Variants in PARP14 observed in about 807,000 individuals in gnomAD.
PARP14 encodes protein mono-ADP-ribosyltransferase PARP14.
Under a neutral mutation model 154.2 loss-of-function variants are expected in PARP14, and 59 were observed. That is an observed-to-expected ratio of 0.38 (90% CI 0.31 to 0.48). The LOEUF is 0.48. PARP14 is among the 20% of genes least tolerant of loss of function. The probability of loss-of-function intolerance (pLI) is 0.98; values close to 1 mark genes in which losing one functional copy is unlikely to be tolerated. For missense variants in PARP14, 1,734 were observed against 2,131.6 expected, an observed-to-expected ratio of 0.81 and a Z score of 3.67; for synonymous variants, 720 against 780.5, an observed-to-expected ratio of 0.92 and a Z score of 1.29.
At chr3:122,685,627 A>C (rs1203456448) in intron 2 of PARP14, among the ~76,000 whole-genome samples, 2 of 150,960 alleles carry the variant, frequency 1.3e-5, no homozygotes, top group African/African-American at 4.9e-5. Context: ...CTTCTGCCTT[A>C]GCCTCCTGAG....
At chr3:122,722,873 C>G (rs944425286) in intron 15 of PARP14, among the ~76,000 whole-genome samples, 2 of 152,120 alleles carry the variant, frequency 1.3e-5, no homozygotes, top group Non-Finnish European at 2.9e-5. Flanking sequence ...TAAATTATGG[C>G]AATGCCATTA....
intron 1 of PARP14, among the ~76,000 whole-genome samples, chr3:122,682,871 G>A (rs149988348): frequency 0.024 from 3,679 of 152,142 alleles, 152 homozygotes; most frequent in African/African-American, 0.084. Context: ...GAGCAACATG[G>A]TGAAACCCTG....
chr3:122,718,390 A>G lies in PARP14; in HGVS notation c.4239A>G (p.Gln1413=), dbSNP rs1440886896. 1.2e-6 allele frequency: 2 copies of G among 1,612,684 alleles called. No individual in the cohort carries two copies. The highest frequency in any genetic ancestry group is 1.7e-5 in the Admixed American group (1 of 59,822). Residue 1413 remains glutamine, a synonymous_variant, in exon 14 of 17, where the codon CAA becomes CAG. Coordinates refer to ENST00000474629, the MANE Select transcript of PARP14 (RefSeq NM_017554.3). ...TGGGCTTTTCAAAGCAATCTCCCCAAAAAAAGAATCATTTGGTTTTGGAAA... is the reference window on the plus strand; with the variant it reads ...TGGGCTTTTCAAAGCAATCTCCCCAGAAAAAGAATCATTTGGTTTTGGAAA... ...SFLGFSKQSP[Q]KKNHLVLEKK...
At position 122,730,508 on chromosome 3, in the gene PARP14, C is replaced by T. The variant is rs1271818577; in HGVS notation, c.*1911C>T. ...GGCTAGGGGGCCACAGTTGCTGCTT[C>T]ATTAACATAGAGGTTTTGGATTTTT... On this transcript the variant is annotated 3_prime_UTR_variant, in exon 17 of 17. Coordinates refer to ENST00000474629, the MANE Select transcript of PARP14 (RefSeq NM_017554.3). 1 of 152,246 alleles carries T rather than the reference C, an allele frequency of 6.6e-6. No individual in the cohort carries two copies. Among genetic ancestry groups the T allele is most frequent in the Non-Finnish European group, 1.5e-5 (1 of 68,052 alleles). 9.4% of individuals were successfully genotyped at this position (152,246 alleles called of 1,614,324 possible).
intron 15 of PARP14, among the ~76,000 whole-genome samples, chr3:122,726,190 G>A (rs1285777627): frequency 1.3e-5 from 2 of 152,050 alleles, no homozygotes; most frequent in Non-Finnish European, 2.9e-5. Flanking sequence ...TTTATTTCCA[G>A]TGTCCTTCAA....
chr3:122,704,466 C>A (rs1939084998), intron 7 of PARP14, 61 bp from the exon 8 acceptor site: 1 of 1,074,390 alleles, frequency 9.3e-7, no homozygotes, highest in Non-Finnish European at 1.4e-6. Context: ...AATTCTTGTC[C>A]TTTTTGTTCT....
rs781357461 is a variant in PARP14, at chr3:122,692,305, G to C, written c.360G>C (p.Val120=). ...CTTTTGTCTTCCTAAAATCAGATGTGTCAGAAGAATTGGATACAAAACTCC... is the reference window on the plus strand; with the variant it reads ...CTTTTGTCTTCCTAAAATCAGATGTCTCAGAAGAATTGGATACAAAACTCC... ...KTKEDVKEPD[V]SEELDTKLPL... The change falls in exon 4 of 17, where the codon GTG becomes GTC. Residue 120 remains valine, a synonymous_variant. Coordinates refer to ENST00000474629, the MANE Select transcript of PARP14 (RefSeq NM_017554.3). 1 of 1,610,622 alleles carries C rather than the reference G, an allele frequency of 6.2e-7. No individual in the cohort carries two copies. The highest frequency in any genetic ancestry group is 8.5e-7 in the Non-Finnish European group (1 of 1,177,296).
chr3:122,721,092 G>C (rs745748108), intron 15 of PARP14: 3 of 335,706 alleles, frequency 8.9e-6, no homozygotes, highest in Non-Finnish European at 1.7e-5. Context: ...TTGCAGGCAC[G>C]CTGTTTCTCT....
intron 4 of PARP14, among the ~76,000 whole-genome samples, chr3:122,693,174 T>C (rs1398609734): frequency 2.0e-5 from 3 of 152,240 alleles, no homozygotes; most frequent in African/African-American, 4.8e-5. Flanking sequence ...TTACCTGATA[T>C]GTCCTTAGCA....
At chr3:122,725,384 G>A (rs551997153) in intron 15 of PARP14, among the ~76,000 whole-genome samples, 25 of 151,622 alleles carry the variant, frequency 1.6e-4, no homozygotes, top group Non-Finnish European at 3.2e-4. Context: ...GGCAGCGGCC[G>A]GGCAAAGGTG....
intron 8 of PARP14, among the ~76,000 whole-genome samples, chr3:122,707,060 G>T (rs1416262438): frequency 6.6e-6 from 1 of 152,184 alleles, no homozygotes; most frequent in Non-Finnish European, 1.5e-5. Flanking sequence ...TTTGAACAAT[G>T]CAAAATGCAT....
chr3:122,705,313 A>C (rs1939118939), intron 8 of PARP14, among the ~76,000 whole-genome samples: 1 of 152,232 alleles, frequency 6.6e-6, no homozygotes, highest in Non-Finnish European at 1.5e-5. Context: ...TCAGAATCCA[A>C]ATAAGGCCCA....
intron 8 of PARP14, among the ~76,000 whole-genome samples, chr3:122,707,377 T>C (rs993250824): frequency 4.0e-5 from 2 of 49,436 alleles, no homozygotes; most frequent in African/African-American, 1.3e-4. Context: ...TGAGACTCCA[T>C]CTCAAATAAA....
intron 15 of PARP14, among the ~76,000 whole-genome samples, chr3:122,724,823 G>T (rs990565967): frequency 1.3e-5 from 2 of 151,994 alleles, no homozygotes; most frequent in African/African-American, 2.4e-5. Flanking sequence ...GTGTCCCTGG[G>T]TACTTGAGAT....
rs572459129 is a variant in PARP14, at chr3:122,716,634, C to T, written c.4001-1437C>T. Among the ~76,000 whole-genome samples the T allele has an allele frequency of 3.6e-3, 554 of 152,230 alleles. 2 individuals are homozygous for T. Among genetic ancestry groups the T allele is most frequent in the Non-Finnish European group, 5.9e-3 (403 of 68,012 alleles). ...CCCTAGGTACTCCTGACTTTACTTC[C>T]AAAATAGCTCCTCAATCCCTATTCT... is the stretch of plus-strand genomic sequence containing the variant. On this transcript the variant is annotated intron_variant, in intron 12 of 16. Transcript: ENST00000474629.
At chr3:122,706,817 C>CAA (rs796804488) in intron 8 of PARP14, among the ~76,000 whole-genome samples, 4,751 of 124,660 alleles carry the variant, frequency 0.038, 106 homozygotes, top group Middle Eastern at 0.083. Context: ...CACCAACAGG[C>CAA]AAAAAAAAAA....
intron 4 of PARP14, among the ~76,000 whole-genome samples, chr3:122,694,320 T>C (rs1001522142): frequency 6.6e-6 from 1 of 152,136 alleles, no homozygotes; most frequent in African/African-American, 2.4e-5. Context: ...CTCTTCATTG[T>C]TCAAAACCCA....
Position 122,700,313 on chromosome 3 carries a change from G to A in PARP14, c.1759G>A (p.Glu587Lys). Reference protein sequence around the residue: ...LTSCSSEALLEAEKQMLSALN... With the variant: ...LTSCSSEALLKAEKQMLSALN... ...CAGCTGTTCTTCTGAAGCCCTGTTA[G>A]AAGCAGAAAAGCAAATGCTCAGTGC... Residue 587 changes from glutamate (E) to lysine (K), a missense_variant, in exon 6 of 17, where the codon GAA (glutamate) becomes AAA (lysine). Physicochemically the swap from Glu to Lys is moderately conservative, Grantham distance 56. Around this residue, in one of 2 missense-constraint regions of PARP14, gnomAD observed 1,646 missense variants for 1,976.0 expected, o/e 0.83. Coordinates refer to ENST00000474629, the MANE Select transcript of PARP14 (RefSeq NM_017554.3). 6.2e-7 allele frequency: 1 copy of A among 1,613,580 alleles called. No individual in the cohort carries two copies. Among genetic ancestry groups the A allele is most frequent in the Non-Finnish European group, 8.5e-7 (1 of 1,179,670 alleles).
chr3:122,705,168 A>T lies in PARP14; in HGVS notation c.3540+420A>T, dbSNP rs574529769. 3.3e-5 allele frequency among the ~76,000 whole-genome samples: 5 copies of T among 152,318 alleles called. No homozygotes were observed. In the East Asian group the frequency reaches 7.7e-4, roughly 23 times the overall value. ...ATTTTAAACAATAACAATTCTTTTTAAAAAAGTAACATAACCACAATATTG... is the reference window on the plus strand; with the variant it reads ...ATTTTAAACAATAACAATTCTTTTTTAAAAAGTAACATAACCACAATATTG... On this transcript the variant is annotated intron_variant, in intron 8 of 16. Transcript: ENST00000474629.
Sources: gnomAD v4.1 joint callset for allele counts (sites outside exome capture counted in the v4.1 genomes callset) on GRCh38, gnomAD v4.1.1 for gene constraint, gnomAD v4.1.1 regional missense constraint, MANE v1.5 for transcripts, NCBI Gene and HGNC (gene_info 2026-07-23, HGNC 2026-07-21) for gene names.